YARS1: variants seen among roughly 807,000 people sequenced by gnomAD.
The protein encoded by YARS1 is tyrosyl-tRNA synthetase 1.
YARS1 carries 36 observed loss-of-function variants against 62.2 expected under a neutral mutation model. The observed-to-expected ratio is 0.58, with a 90% CI of 0.44 to 0.76. The LOEUF (loss-of-function observed/expected upper bound fraction) is 0.76, where lower values mean the gene tolerates loss of function less well. Ranked by LOEUF, YARS1 falls within the 30% of genes least tolerant of loss-of-function variation. The probability of loss-of-function intolerance (pLI) is 0.00; values close to 1 mark genes in which losing one functional copy is unlikely to be tolerated. For missense variants in YARS1, 524 were observed against 639.8 expected, an observed-to-expected ratio of 0.82 and a Z score of 1.95; for synonymous variants, 234 against 244.9, an observed-to-expected ratio of 0.96 and a Z score of 0.42.
intron 4 of YARS1, among the ~76,000 whole-genome samples, chr1:32,798,995 C>T (rs892178085): frequency 6.6e-6 from 1 of 152,072 alleles, no homozygotes; most frequent in African/African-American, 2.4e-5. Context: ...TTCAACTCAG[C>T]GTGCTAAGGG....
chr1:32,790,085 T>C (rs952811589), intron 6 of YARS1, among the ~76,000 whole-genome samples: 2 of 150,950 alleles, frequency 1.3e-5, no homozygotes, highest in Admixed American at 6.6e-5. Context: ...GGTTTCACCA[T>C]GTTGGACAGG....
intron 3 of YARS1, among the ~76,000 whole-genome samples, chr1:32,809,424 T>C (rs1229994371): frequency 2.0e-5 from 3 of 152,016 alleles, no homozygotes; most frequent in African/African-American, 7.2e-5. Context: ...TTTTTAGAGA[T>C]GAGGACTTGC....
intron 6 of YARS1, chr1:32,790,724 T>C (rs1653389045): frequency 5.8e-6 from 1 of 173,822 alleles, no homozygotes; most frequent in East Asian, 1.5e-4. Flanking sequence ...TCTTTGGATT[T>C]CCACGTTCTA....
At chr1:32,792,839 C>T (rs1349306889) in intron 5 of YARS1, among the ~76,000 whole-genome samples, 1 of 150,720 alleles carries the variant, frequency 6.6e-6, no homozygotes, top group Non-Finnish European at 1.5e-5. Flanking sequence ...GAGATTGCGC[C>T]ACTGCACTCT....
chr1:32,805,444 C>G (rs1569767350), intron 4 of YARS1, among the ~76,000 whole-genome samples: 2 of 152,128 alleles, frequency 1.3e-5, no homozygotes, highest in South Asian at 4.1e-4. Flanking sequence ...GTTTCATCTT[C>G]TATCCAGAGC....
intron 5 of YARS1, among the ~76,000 whole-genome samples, chr1:32,797,426 G>A (rs951861111): frequency 1.3e-5 from 2 of 152,156 alleles, no homozygotes; most frequent in Non-Finnish European, 2.9e-5. Context: ...CAAATGCTCT[G>A]TGAAAGGACA....
At chr1:32,795,115 C>A (rs1393308563) in intron 5 of YARS1, among the ~76,000 whole-genome samples, 1 of 151,118 alleles carries the variant, frequency 6.6e-6, no homozygotes, top group Admixed American at 6.6e-5. Flanking sequence ...GTCAGGAGAC[C>A]GAGACCACCT....
At chr1:32,779,158 C>T (rs576229218) in intron 12 of YARS1, among the ~76,000 whole-genome samples, 1 of 152,296 alleles carries the variant, frequency 6.6e-6, no homozygotes, top group Non-Finnish European at 1.5e-5. Flanking sequence ...AAGTCCCTGA[C>T]ACAGGGCCTC....
In YARS1 at chr1:32,811,056, T is replaced by C; in HGVS notation, c.59A>G (p.Glu20Gly). ...CTTCAGCTTCTCTTCCCCCAGAACC[T>C]CCTATTGTGGAAGCAGAAGAGTTAG... The part of the protein sequence containing the change: ...KLHLITRNLQ[E>G]VLGEEKLKEI... The change falls in exon 2 of 13, where the codon GAG becomes GGG. Residue 20 changes from glutamate (E) to glycine (G), a missense_variant and splice_region_variant. Transcript: ENST00000373477. 6.2e-7 allele frequency: 1 copy of C among 1,614,042 alleles called. No homozygotes were observed. The highest frequency in any genetic ancestry group is 8.5e-7 in the Non-Finnish European group (1 of 1,180,006).
Position 32,805,836 on chromosome 1 carries a change from G to A in YARS1, c.510+646C>T, listed in dbSNP as rs369309289. Among the ~76,000 whole-genome samples the A allele has an allele frequency of 4.6e-5, 7 of 152,192 alleles. No homozygotes were observed. The South Asian group carries it at 6.2e-4, about 14-fold the overall frequency. ...AAATCAGCCGGGCATGGTGGCAGGC[G>A]CCTGTAATCCCAGCTACTCGGGAGG... On this transcript the variant is annotated intron_variant, in intron 4 of 12. Coordinates refer to ENST00000373477, the MANE Select transcript of YARS1 (RefSeq NM_003680.4).
intron 6 of YARS1, chr1:32,790,931 T>C: frequency 1.9e-6 from 1 of 533,826 alleles, no homozygotes; most frequent in Non-Finnish European, 3.4e-6. Flanking sequence ...ACATTACTTT[T>C]GCTTTTATTT....
rs766904685 is a variant in YARS1 at position 32,787,071 on chromosome 1, G to T, written c.689C>A (p.Ser230Tyr). Residue 230 changes from serine to tyrosine, a missense_variant, in exon 7 of 13, where the codon TCC becomes TAC. Transcript: ENST00000373477. Reference sequence around the variant, plus strand: ...CTTCCGATCAAGGAGATCAATCTTGGACTCCTAGAAGTCATAGAACGGAAG... The same window carrying T: ...CTTCCGATCAAGGAGATCAATCTTGTACTCCTAGAAGTCATAGAACGGAAG... Reference protein sequence around the residue: ...GSKMSSSEEESKIDLLDRKED... With the variant: ...GSKMSSSEEEYKIDLLDRKED... 6.2e-7 allele frequency: 1 copy of T among 1,614,076 alleles called. No individual in the cohort carries two copies. Among genetic ancestry groups the T allele is most frequent in the Admixed American group, 1.7e-5 (1 of 60,006 alleles).
chr1:32,814,596 G>A (rs1569784854), intron 1 of YARS1, among the ~76,000 whole-genome samples: 1 of 152,110 alleles, frequency 6.6e-6, no homozygotes, highest in African/African-American at 2.4e-5. Flanking sequence ...CACTATGTTG[G>A]CCAGGCTGGT....
At chr1:32,787,857 C>G (rs1653286390) in intron 6 of YARS1, among the ~76,000 whole-genome samples, 1 of 152,160 alleles carries the variant, frequency 6.6e-6, no homozygotes, top group Non-Finnish European at 1.5e-5. Flanking sequence ...TGGCTCACAC[C>G]TGTAGTCTTA....
At chr1:32,809,094 C>CT (rs771462379) in intron 3 of YARS1, among the ~76,000 whole-genome samples, 170 of 148,458 alleles carry the variant, frequency 1.1e-3, no homozygotes, top group African/African-American at 3.4e-3. Flanking sequence ...TCTTTCTTTT[C>CT]TTTTTTTTTT....
intron 3 of YARS1, among the ~76,000 whole-genome samples, chr1:32,810,106 CA>C (rs11381151): frequency 9.5e-4 from 115 of 121,508 alleles, no homozygotes; most frequent in Middle Eastern, 4.1e-3. Context: ...AACTCCACCT[CA>C]AAAAAAAAAA....
At chr1:32,780,782 C>A (rs1387635762) in intron 10 of YARS1, 1 of 520,278 alleles carries the variant, frequency 1.9e-6, no homozygotes, top group African/African-American at 1.9e-5. Context: ...TCAGGTGAGT[C>A]TATCAGACCA....
chr1:32,777,508 G>A (rs1652906733), intron 12 of YARS1, among the ~76,000 whole-genome samples: 1 of 152,218 alleles, frequency 6.6e-6, no homozygotes, highest in East Asian at 1.9e-4. Flanking sequence ...CTACTCAGGA[G>A]GCTGAGGCAG....
At chr1:32,781,194 T>A (rs762575156) in intron 9 of YARS1, 49 bp from the exon 10 acceptor site, 2 of 1,472,390 alleles carry the variant, frequency 1.4e-6, no homozygotes, top group African/African-American at 2.8e-5. Context: ...CTGTGGCAGG[T>A]CAGCTGCTGA....
Sources: allele counts gnomAD v4.1 joint callset (sites outside exome capture counted in the v4.1 genomes callset), GRCh38; gene constraint gnomAD v4.1.1; transcripts MANE v1.5; gene names NCBI Gene and HGNC (gene_info 2026-07-23, HGNC 2026-07-21).